TSHZ3: variants seen among roughly 807,000 people sequenced by gnomAD.
The protein encoded by TSHZ3 is teashirt homolog 3.
TSHZ3 carries 10 observed loss-of-function variants against 64.5 expected under a neutral mutation model. The observed-to-expected ratio is 0.16, with a 90% CI of 0.10 to 0.26. The LOEUF is 0.26. Ranked by LOEUF, TSHZ3 falls within the 10% of genes least tolerant of loss-of-function variation. The pLI, the probability that TSHZ3 is intolerant of heterozygous loss-of-function variation, is 1.00. For synonymous variants in TSHZ3, 608 were observed against 593.1 expected, an observed-to-expected ratio of 1.03 and a Z score of -0.36; for missense variants, 1,242 against 1,421.7, an observed-to-expected ratio of 0.87 and a Z score of 2.03.
intron 5 of TSHZ3, among the ~76,000 whole-genome samples, chr19:31,168,216 G>A (rs1224507511): frequency 1.3e-5 from 2 of 152,112 alleles, no homozygotes; most frequent in Non-Finnish European, 2.9e-5. Flanking sequence ...TATCCAAGAT[G>A]TGATCTTGCG....
intron 1 of TSHZ3, among the ~76,000 whole-genome samples, chr19:31,284,650 T>G: frequency 6.6e-6 from 1 of 152,102 alleles, no homozygotes; most frequent in Non-Finnish European, 1.5e-5. Context: ...GAACCCACCC[T>G]TCCCCGGGCC....
In TSHZ3 at chr19:31,277,662, C is replaced by T. The variant is rs374242245; in HGVS notation, c.2131G>A (p.Asp711Asn). 3 of 1,532,546 alleles carry T rather than the reference C, an allele frequency of 2.0e-6. No homozygotes were observed. The highest frequency in any genetic ancestry group is 8.8e-7 in the Non-Finnish European group (1 of 1,141,218). 94.9% of individuals were successfully genotyped at this position (1,532,546 alleles called of 1,614,324 possible). The change falls in exon 2 of 2, where the codon GAC becomes AAC. Residue 711 changes from aspartate (D) to asparagine (N), a missense_variant. By Grantham distance (23) the Asp-to-Asn change is conservative. Around this residue, in one of 4 missense-constraint regions of TSHZ3, gnomAD observed 550 missense variants for 545.1 expected, o/e 1.01. Transcript: ENST00000240587. This position sits in a 1 kb window ranked among gnomAD's most constrained non-coding sequence, Gnocchi z 4.5. ...ACAAAAGGCTGTTCAGGCGGGTGGT[C>T]GGTGATGATGGCCGTGCTGCCACTC... ...SLSGSTAIIT[D>N]HPPEQPFVNP...
intron 1 of TSHZ3, among the ~76,000 whole-genome samples, chr19:31,245,780 T>C (rs1878723847): frequency 6.6e-6 from 1 of 152,316 alleles, no homozygotes; most frequent in African/African-American, 2.4e-5. Context: ...TAGGGGCTGT[T>C]ACAACCCATC....
chr19:31,165,419 T>G (rs919907264), intron 5 of TSHZ3, among the ~76,000 whole-genome samples: 1 of 152,136 alleles, frequency 6.6e-6, no homozygotes, highest in Non-Finnish European at 1.5e-5. Flanking sequence ...AAAATTTTCT[T>G]TTGCAAAAAG....
chr19:31,183,215 TC>T (rs1568339998), intron 5 of TSHZ3, among the ~76,000 whole-genome samples: 85 of 100,340 alleles, frequency 8.5e-4, no homozygotes, highest in African/African-American at 4.4e-3. Flanking sequence ...TCTCTCTCTC[TC>T]TCTCTCTCTC....
intron 1 of TSHZ3, among the ~76,000 whole-genome samples, chr19:31,266,786 C>T (rs756377480): frequency 6.6e-6 from 1 of 152,146 alleles, no homozygotes; most frequent in Non-Finnish European, 1.5e-5. Context: ...AAGGCACTCC[C>T]TAGGATGTGA....
At chr19:31,349,892 G>T (rs1387805097), upstream of TSHZ3, among the ~76,000 whole-genome samples, 1 of 146,344 alleles carries the variant, frequency 6.8e-6, no homozygotes, top group Non-Finnish European at 1.5e-5. Context: ...GCCCGCCCGC[G>T]GGGGCGCCGC....
At position 31,276,841 on chromosome 19, in the gene TSHZ3, T is replaced by C; in HGVS notation, c.2952A>G (p.Gln984=). 1.2e-6 allele frequency: 2 copies of C among 1,614,186 alleles called. No individual in the cohort carries two copies. Among genetic ancestry groups the C allele is most frequent in the Non-Finnish European group, 1.7e-6 (2 of 1,180,014 alleles). The part of the protein sequence containing the change: ...PVFFCNDCAS[Q]IRTPSTYISH... ...TGATGTACGTGGAAGGAGTCCTGAT[T>C]TGGGACGCACAATCGTTACAAAAGA... The change falls in exon 2 of 2, where the codon CAA becomes CAG. Residue 984 remains glutamine, a synonymous_variant. Coordinates refer to ENST00000240587, the MANE Select transcript of TSHZ3 (RefSeq NM_020856.4).
chr19:31,165,035 C>T (rs1366344972), intron 5 of TSHZ3, among the ~76,000 whole-genome samples: 2 of 152,330 alleles, frequency 1.3e-5, no homozygotes, highest in Non-Finnish European at 2.9e-5. Context: ...CCAGGGCCGG[C>T]GTTTGTTCCT....
chr19:31,326,671 A>G (rs1876180486), intron 1 of TSHZ3, among the ~76,000 whole-genome samples: 1 of 152,220 alleles, frequency 6.6e-6, no homozygotes, highest in Admixed American at 6.5e-5. Context: ...CAGGAGGCTC[A>G]TTATTTAATT....
intron 5 of TSHZ3, among the ~76,000 whole-genome samples, chr19:31,162,644 T>C (rs895515948): frequency 3.3e-5 from 5 of 152,162 alleles, no homozygotes. Flanking sequence ...CCTTGTCAAC[T>C]CAGCTCCCTA....
chr19:31,301,710 C>T (rs1976760481), intron 1 of TSHZ3, among the ~76,000 whole-genome samples: 1 of 152,220 alleles, frequency 6.6e-6, no homozygotes, highest in Non-Finnish European at 1.5e-5. Context: ...AAAATACATC[C>T]GGATTTTTCC....
intron 1 of TSHZ3, among the ~76,000 whole-genome samples, chr19:31,337,203 C>T (rs1479241915): frequency 6.6e-6 from 1 of 152,074 alleles, no homozygotes; most frequent in Non-Finnish European, 1.5e-5. Context: ...CCACAATCTC[C>T]TAGCAACCCG....
At chr19:31,178,438 G>C (rs1031347785) in intron 5 of TSHZ3, among the ~76,000 whole-genome samples, 1 of 152,212 alleles carries the variant, frequency 6.6e-6, no homozygotes, top group Non-Finnish European at 1.5e-5. Context: ...ATGCCTGTAA[G>C]GGAGGCCAAG....
At chr19:31,323,695 G>A (rs2145170753) in intron 1 of TSHZ3, among the ~76,000 whole-genome samples, 1 of 152,084 alleles carries the variant, frequency 6.6e-6, no homozygotes, top group East Asian at 1.9e-4. Flanking sequence ...TCTAGACCAG[G>A]AAGAAGTTGG....
At chr19:31,264,532 C>A in intron 1 of TSHZ3, among the ~76,000 whole-genome samples, 1 of 152,194 alleles carries the variant, frequency 6.6e-6, no homozygotes, top group East Asian at 1.9e-4. Flanking sequence ...TAGGGAGGAG[C>A]AGGGCCCAGG....
intron 1 of TSHZ3, among the ~76,000 whole-genome samples, chr19:31,341,371 G>A (rs1053680905): frequency 1.3e-5 from 2 of 152,112 alleles, no homozygotes; most frequent in African/African-American, 2.4e-5. Flanking sequence ...TCTGGATCCA[G>A]GGTAGGTGCA....
At chr19:31,287,134 G>A (rs1051085356) in intron 1 of TSHZ3, among the ~76,000 whole-genome samples, 5 of 152,154 alleles carry the variant, frequency 3.3e-5, no homozygotes, top group East Asian at 3.9e-4. Flanking sequence ...CGGGGGCCAC[G>A]GATGGGCAAG....
intron 1 of TSHZ3, among the ~76,000 whole-genome samples, chr19:31,286,288 A>T (rs1418179106): frequency 2.0e-5 from 3 of 152,240 alleles, no homozygotes; most frequent in Non-Finnish European, 4.4e-5. Flanking sequence ...GTAGAGACAC[A>T]CATGGATGAG....
Sources: allele counts gnomAD v4.1 joint callset (sites outside exome capture counted in the v4.1 genomes callset), GRCh38; gene constraint gnomAD v4.1.1; regional missense constraint gnomAD v4.1.1; non-coding constraint Gnocchi (gnomAD v3.1); transcripts MANE v1.5; gene names NCBI Gene and HGNC (gene_info 2026-07-23, HGNC 2026-07-21).